The following DDX10 variants were observed in gnomAD, a reference collection of about 807,000 sequenced individuals.
The protein encoded by DDX10 is DEAD-box helicase 10, also known as probable ATP-dependent RNA helicase DDX10.
Under a neutral mutation model 104.3 loss-of-function variants are expected in DDX10, and 74 were observed. That is an observed-to-expected ratio of 0.71 (90% CI 0.59 to 0.86). DDX10 has a LOEUF of 0.86. Ranked by LOEUF, DDX10 falls within the 40% of genes least tolerant of loss-of-function variation. The pLI is 0.00. For missense variants in DDX10, 952 were observed against 1,040.0 expected, an observed-to-expected ratio of 0.92 and a Z score of 1.16; for synonymous variants, 351 against 353.4, an observed-to-expected ratio of 0.99 and a Z score of 0.08.
intron 17 of DDX10, chr11:108,929,684 A>C (rs1863952172): frequency 6.6e-6 from 1 of 152,204 alleles, no homozygotes; most frequent in Admixed American, 6.5e-5. Flanking sequence ...AGATGGTCTG[A>C]GTACTCTAAA....
chr11:108,750,930 T>C (rs2094337873), intron 13 of DDX10, among the ~76,000 whole-genome samples: 1 of 49,682 alleles, frequency 2.0e-5, no homozygotes, highest in Non-Finnish European at 3.4e-5. Context: ...TGGTTACTTT[T>C]TTTTTTTTTT....
At chr11:108,886,080 A>G (rs908961787) in intron 16 of DDX10, among the ~76,000 whole-genome samples, 2 of 152,208 alleles carry the variant, frequency 1.3e-5, no homozygotes, top group African/African-American at 4.8e-5. Context: ...CTAAAAATTA[A>G]TTTACCCATG....
intron 16 of DDX10, among the ~76,000 whole-genome samples, chr11:108,869,387 A>G (rs1863051489): frequency 6.6e-6 from 1 of 152,154 alleles, no homozygotes; most frequent in African/African-American, 2.4e-5. Flanking sequence ...AAATCTAAAA[A>G]TACTGATATT....
intron 16 of DDX10, among the ~76,000 whole-genome samples, chr11:108,876,743 C>T (rs1863158394): frequency 6.6e-6 from 1 of 152,140 alleles, no homozygotes; most frequent in African/African-American, 2.4e-5. Flanking sequence ...GACTTGTCCA[C>T]AAATTATTTC....
chr11:108,833,652 T>C (rs2134589035), intron 13 of DDX10, among the ~76,000 whole-genome samples: 1 of 152,220 alleles, frequency 6.6e-6, no homozygotes, highest in East Asian at 1.9e-4. Context: ...AAGGCAGAGA[T>C]GCAAATACCT....
chr11:108,762,989 G>T (rs1358611893), intron 13 of DDX10, among the ~76,000 whole-genome samples: 4 of 152,132 alleles, frequency 2.6e-5, no homozygotes, highest in Non-Finnish European at 2.9e-5. Context: ...ATGCCTCAAA[G>T]AAATTGCAGC....
chr11:108,697,305 A>G (rs1015847652), intron 9 of DDX10, among the ~76,000 whole-genome samples: 45 of 150,644 alleles, frequency 3.0e-4, no homozygotes, highest in African/African-American at 1.1e-3. Context: ...GTGGGCCATG[A>G]GACTGAATAA....
intron 13 of DDX10, among the ~76,000 whole-genome samples, chr11:108,752,125 A>G (rs563994777): frequency 1.3e-5 from 2 of 152,258 alleles, no homozygotes; most frequent in Admixed American, 1.3e-4. Flanking sequence ...AGAATGGGGC[A>G]TGTGGTAAGA....
intron 13 of DDX10, among the ~76,000 whole-genome samples, chr11:108,814,984 T>C (rs949760917): frequency 2.6e-5 from 4 of 152,202 alleles, no homozygotes; most frequent in African/African-American, 9.6e-5. Flanking sequence ...ACTTATGTTA[T>C]CGACATCAGA....
chr11:108,912,565 T>G (rs1863694452), intron 16 of DDX10, among the ~76,000 whole-genome samples: 1 of 152,242 alleles, frequency 6.6e-6, no homozygotes. Context: ...TTCCCTTACT[T>G]ACAGCAGTGA....
chr11:108,771,878 C>G (rs1413637953), intron 13 of DDX10, among the ~76,000 whole-genome samples: 2 of 152,162 alleles, frequency 1.3e-5, no homozygotes, highest in Non-Finnish European at 2.9e-5. Context: ...GGTCAGTAGT[C>G]TTGTCTGATG....
chr11:108,665,138 CG>C lies in DDX10; in HGVS notation c.-15del, dbSNP rs1309664532. On this transcript the variant is annotated 5_prime_UTR_variant, in exon 1 of 18. Transcript: ENST00000322536. ...CGTGTCTGGGGTTGATCCGAGCTGTCGCCGCCGCCGCCGCAATGGGCAAAAC... is the reference window on the plus strand; with the variant it reads ...CGTGTCTGGGGTTGATCCGAGCTGTCCCGCCGCCGCCGCAATGGGCAAAAC... 3 of 1,573,044 alleles carry C rather than the reference CG, an allele frequency of 1.9e-6. No homozygotes were observed. Among genetic ancestry groups the C allele is most frequent in the Non-Finnish European group, 2.6e-6 (3 of 1,162,448 alleles).
intron 1 of DDX10, among the ~76,000 whole-genome samples, chr11:108,668,737 C>T (rs547478054): frequency 1.3e-5 from 2 of 152,174 alleles, no homozygotes; most frequent in Admixed American, 6.5e-5. Flanking sequence ...AAAATACGTG[C>T]CCAAGTCCCT....
intron 13 of DDX10, among the ~76,000 whole-genome samples, chr11:108,813,356 A>G (rs1862212689): frequency 1.3e-5 from 2 of 152,136 alleles, no homozygotes; most frequent in Non-Finnish European, 2.9e-5. Flanking sequence ...TTACCTTTAC[A>G]TGTCTTATTT....
At chr11:108,749,659 A>G (rs2094336054) in intron 13 of DDX10, among the ~76,000 whole-genome samples, 1 of 152,182 alleles carries the variant, frequency 6.6e-6, no homozygotes, top group South Asian at 2.1e-4. Context: ...TTAATGTGTA[A>G]AATTTGTCAA....
At chr11:108,814,550 A>G (rs148883713) in intron 13 of DDX10, among the ~76,000 whole-genome samples, 401 of 152,316 alleles carry the variant, frequency 2.6e-3, no homozygotes, top group Non-Finnish European at 4.4e-3. Context: ...AGGAGACTGA[A>G]TGCAATAAAA....
At chr11:108,680,028 T>G (rs1190152471) in intron 6 of DDX10, among the ~76,000 whole-genome samples, 1 of 152,216 alleles carries the variant, frequency 6.6e-6, no homozygotes. Flanking sequence ...TTTAGCAGGA[T>G]TATGCAGTAC....
chr11:108,751,802 GTT>G (rs2094339087), intron 13 of DDX10, among the ~76,000 whole-genome samples: 1 of 152,208 alleles, frequency 6.6e-6, no homozygotes, highest in Non-Finnish European at 1.5e-5. Flanking sequence ...TCAATCTTCA[GTT>G]TAAGTCGACT....
At chr11:108,699,546 T>G (rs939691487) in intron 9 of DDX10, among the ~76,000 whole-genome samples, 1 of 152,194 alleles carries the variant, frequency 6.6e-6, no homozygotes, top group Admixed American at 6.5e-5. Flanking sequence ...CACAACATGG[T>G]AACTGACCTC....
Sources: allele counts gnomAD v4.1 joint callset (sites outside exome capture counted in the v4.1 genomes callset), GRCh38; gene constraint gnomAD v4.1.1; transcripts MANE v1.5; gene names NCBI Gene and HGNC (gene_info 2026-07-23, HGNC 2026-07-21).